Variants in PCDHA11 observed in about 807,000 individuals in gnomAD.
PCDHA11 encodes protocadherin alpha-11.
PCDHA11 carries 61 observed loss-of-function variants against 70.3 expected under a neutral mutation model. That is an observed-to-expected ratio of 0.87 (90% CI 0.71 to 1.07). PCDHA11 has a LOEUF of 1.07. PCDHA11 is among the 50% of genes least tolerant of loss of function. The pLI is 0.00. For missense variants in PCDHA11, 1,324 were observed against 1,237.5 expected (o/e 1.07, Z -1.05); for synonymous variants, 633 against 555.1 (o/e 1.14, Z -1.97).
rs782516685 is a variant in PCDHA11, at chr5:140,883,846, G to T, written c.2391+12352G>T. ...ACGCGCTGCAGCCGTTGGACCACGAGGAGCTGGAGCTGTTGCAGTTCCAGG... is the reference window on the plus strand; with the variant it reads ...ACGCGCTGCAGCCGTTGGACCACGATGAGCTGGAGCTGTTGCAGTTCCAGG... On this transcript the variant is annotated intron_variant, in intron 1 of 3. Coordinates refer to ENST00000398640, the MANE Select transcript of PCDHA11 (RefSeq NM_018902.5). 7 of 1,612,790 alleles carry T rather than the reference G, an allele frequency of 4.3e-6. No individual in the cohort carries two copies. In the East Asian group the frequency reaches 1.3e-4, roughly 31 times the overall value.
intron 1 of PCDHA11, chr5:140,969,344 T>G: frequency 6.2e-7 from 1 of 1,613,664 alleles, no homozygotes; most frequent in Non-Finnish European, 8.5e-7. Context: ...GAGACAGTGG[T>G]CAGGGGGTCT....
chr5:141,010,146 C>T lies in PCDHA11; in HGVS notation c.*209C>T. 2 of 1,584,410 alleles carry T rather than the reference C, an allele frequency of 1.3e-6. No homozygotes were observed. Among genetic ancestry groups the T allele is most frequent in the Non-Finnish European group, 1.7e-6 (2 of 1,164,258 alleles). On this transcript the variant is annotated 3_prime_UTR_variant, in exon 4 of 4. Coordinates refer to ENST00000398640, the MANE Select transcript of PCDHA11 (RefSeq NM_018902.5). ...TAAGTCTGGTGTTAACTCTTTCTCTCCACTCTGGCTTGTTTTCAGAACCTA... is the reference window on the plus strand; with the variant it reads ...TAAGTCTGGTGTTAACTCTTTCTCTTCACTCTGGCTTGTTTTCAGAACCTA...
rs1562636456 is a variant in PCDHA11 at position 140,869,975 on chromosome 5, T to C, written c.872T>C (p.Leu291Ser). 1 of 1,613,324 alleles carries C rather than the reference T, an allele frequency of 6.2e-7. No individual in the cohort carries two copies. The highest frequency in any genetic ancestry group is 8.5e-7 in the Non-Finnish European group (1 of 1,179,632). ...LMSIKPNGRHLFTLDQNNGEV... is the reference protein window; with the variant it reads ...LMSIKPNGRHSFTLDQNNGEV... ...TCAATTAAGCCCAATGGAAGACACT[T>C]ATTTACACTAGATCAAAATAATGGA... The change falls in exon 1 of 4, where the codon TTA (leucine) becomes TCA (serine). Residue 291 changes from leucine (L) to serine (S), a missense_variant. Leu to Ser is a moderately radical substitution (Grantham distance 145). Coordinates refer to ENST00000398640, the MANE Select transcript of PCDHA11 (RefSeq NM_018902.5).
chr5:140,916,053 G>T (rs1378949362), intron 1 of PCDHA11, among the ~76,000 whole-genome samples: 1 of 152,104 alleles, frequency 6.6e-6, no homozygotes, highest in African/African-American at 2.4e-5. Flanking sequence ...AGGCAGAGGT[G>T]CCTCTCCCTG....
chr5:140,885,161 T>C (rs1554182019), intron 1 of PCDHA11, among the ~76,000 whole-genome samples: 1 of 151,600 alleles, frequency 6.6e-6, no homozygotes, highest in Non-Finnish European at 1.5e-5. Flanking sequence ...TTGTCTCTAC[T>C]TTTTTGTCCT....
At chr5:140,965,555 G>A (rs1373065218) in intron 1 of PCDHA11, among the ~76,000 whole-genome samples, 4 of 151,798 alleles carry the variant, frequency 2.6e-5, no homozygotes, top group Non-Finnish European at 5.9e-5. Flanking sequence ...CCTGGCTTAG[G>A]AGATCAACAG....
chr5:140,897,281 C>T lies in PCDHA11; in HGVS notation c.2391+25787C>T, dbSNP rs1583262674. On this transcript the variant is annotated intron_variant, in intron 1 of 3. Coordinates refer to ENST00000398640, the MANE Select transcript of PCDHA11 (RefSeq NM_018902.5). ...ATGTGCCATGCTGGTGTGCTGCACC[C>T]ATTAACTCGTCATTTAGCATTAGGT... Among the ~76,000 whole-genome samples, 6 of 151,664 alleles carry T rather than the reference C, an allele frequency of 4.0e-5. No homozygotes were observed. In the South Asian group the frequency reaches 1.2e-3, roughly 32 times the overall value.
At chr5:140,947,655 A>G (rs942849633) in intron 1 of PCDHA11, among the ~76,000 whole-genome samples, 3 of 151,542 alleles carry the variant, frequency 2.0e-5, no homozygotes, top group Non-Finnish European at 4.4e-5. Context: ...ATATACCTCC[A>G]TTTACTTGGG....
In PCDHA11 at chr5:140,870,070, G is replaced by T. The variant is rs1554163779; in HGVS notation, c.967G>T (p.Asp323Tyr). 1 of 1,613,880 alleles carries T rather than the reference G, an allele frequency of 6.2e-7. No individual in the cohort carries two copies. The highest frequency in any genetic ancestry group is 1.7e-5 in the Admixed American group (1 of 60,026). Residue 323 changes from aspartate (D) to tyrosine (Y), a missense_variant, in exon 1 of 4, where the codon GAT (aspartate) becomes TAT (tyrosine). By Grantham distance (160) the Asp-to-Tyr change is radical (BLOSUM62 -3). Coordinates refer to ENST00000398640, the MANE Select transcript of PCDHA11 (RefSeq NM_018902.5). ...KFYKIEVQATDKGTPPMAGHC... is the reference protein window; with the variant it reads ...KFYKIEVQATYKGTPPMAGHC... ...TTATAAAATTGAAGTACAGGCTACA[G>T]ATAAGGGGACTCCCCCAATGGCAGG...
intron 1 of PCDHA11, among the ~76,000 whole-genome samples, chr5:140,961,356 CA>C (rs1164957121): frequency 1.3e-5 from 2 of 152,168 alleles, no homozygotes; most frequent in Non-Finnish European, 2.9e-5. Context: ...CTGTAGTCCC[CA>C]TTAGAATTCT....
intron 1 of PCDHA11, among the ~76,000 whole-genome samples, chr5:140,923,382 G>A (rs1554201427): frequency 6.6e-6 from 1 of 152,114 alleles, no homozygotes; most frequent in Non-Finnish European, 1.5e-5. Context: ...TTAAAAATTA[G>A]TTGGGCATGG....
At chr5:140,901,766 A>T (rs2068897184) in intron 1 of PCDHA11, among the ~76,000 whole-genome samples, 1 of 152,188 alleles carries the variant, frequency 6.6e-6, no homozygotes, top group Admixed American at 6.5e-5. Flanking sequence ...CAGGGATTGC[A>T]TTGAATTTGT....
intron 3 of PCDHA11, among the ~76,000 whole-genome samples, chr5:141,002,815 T>G (rs1554258803): frequency 6.6e-6 from 1 of 152,176 alleles, no homozygotes; most frequent in African/African-American, 2.4e-5. Flanking sequence ...GGCTCAGAGA[T>G]ATTTATGTAA....
At position 140,985,761 on chromosome 5, in the gene PCDHA11, A is replaced by C. The variant is rs1239020885; in HGVS notation, c.2539+3198A>C. On this transcript the variant is annotated intron_variant, in intron 3 of 3. Transcript: ENST00000398640. ...TTCCTTTTTTTTTTTTTTTTTTTTGAGACAGTCTCGCTCTGTCGCCCAGGC... is the reference window on the plus strand; with the variant it reads ...TTCCTTTTTTTTTTTTTTTTTTTTGCGACAGTCTCGCTCTGTCGCCCAGGC... 7.9e-5 allele frequency among the ~76,000 whole-genome samples: 5 copies of C among 63,266 alleles called. No individual in the cohort carries two copies. In the East Asian group the frequency reaches 3.3e-3, roughly 41 times the overall value. 41.5% of individuals were successfully genotyped at this position (63,266 alleles called of 152,430 possible). A position where few individuals can be genotyped will look rare whatever the true frequency, so the allele number is the denominator to read the frequency against.
chr5:140,883,640 C>G (rs143631680), intron 1 of PCDHA11: 2 of 1,613,958 alleles, frequency 1.2e-6, no homozygotes, highest in Non-Finnish European at 1.7e-6. Context: ...GTTCGCGCAG[C>G]CCGAGTACAC....
In PCDHA11 at chr5:140,870,083, C is replaced by G; in HGVS notation, c.980C>G (p.Pro327Arg). Residue 327 changes from proline to arginine, a missense_variant, in exon 1 of 4, where the codon CCC (proline) becomes CGC (arginine). Coordinates refer to ENST00000398640, the MANE Select transcript of PCDHA11 (RefSeq NM_018902.5). ...IEVQATDKGTPPMAGHCTVWV... is the reference protein window; with the variant it reads ...IEVQATDKGTRPMAGHCTVWV... Reference sequence around the variant, plus strand: ...GTACAGGCTACAGATAAGGGGACTCCCCCAATGGCAGGTCACTGTACAGTC... The same window carrying G: ...GTACAGGCTACAGATAAGGGGACTCGCCCAATGGCAGGTCACTGTACAGTC... 1 of 1,613,848 alleles carries G rather than the reference C, an allele frequency of 6.2e-7. No homozygotes were observed. Among genetic ancestry groups the G allele is most frequent in the Admixed American group, 1.7e-5 (1 of 60,022 alleles).
chr5:140,987,011 C>T (rs1266225593), intron 3 of PCDHA11, among the ~76,000 whole-genome samples: 2 of 152,104 alleles, frequency 1.3e-5, no homozygotes, highest in African/African-American at 4.8e-5. Context: ...GTCATGAGTT[C>T]GAGACCAGCC....
At chr5:141,009,528 G>A in intron 3 of PCDHA11, 99 bp from the exon 4 acceptor site, 4 of 1,508,216 alleles carry the variant, frequency 2.7e-6, no homozygotes, top group Non-Finnish European at 3.5e-6. Flanking sequence ...TTCTGGGGAG[G>A]TTCAGCCTGC....
intron 1 of PCDHA11, chr5:140,928,747 C>G (rs781895762): frequency 6.2e-7 from 1 of 1,614,132 alleles, no homozygotes; most frequent in Non-Finnish European, 8.5e-7. Context: ...AGGTGAGCTC[C>G]GTACTGCTCG....
Sources: allele counts gnomAD v4.1 joint callset (sites outside exome capture counted in the v4.1 genomes callset), GRCh38; gene constraint gnomAD v4.1.1; transcripts MANE v1.5; gene names NCBI Gene and HGNC (gene_info 2026-07-23, HGNC 2026-07-21).